EFTUD2: variants seen among roughly 807,000 people sequenced by gnomAD.
EFTUD2 encodes 116 kDa U5 small nuclear ribonucleoprotein component.
In EFTUD2, 9 loss-of-function variants were observed where a neutral mutation model predicts 114.3. The ratio of observed to expected loss-of-function variants is 0.08; its 90% CI spans 0.05 to 0.14. The LOEUF is 0.14. EFTUD2 is among the 10% of genes least tolerant of loss of function. EFTUD2 has a pLI of 1.00. For synonymous variants in EFTUD2, 449 were observed against 462.3 expected (o/e 0.97, Z 0.37); for missense variants, 765 against 1,241.2 (o/e 0.62, Z 5.76).
Position 44,850,497 on chromosome 17 carries a change from G to A in EFTUD2, c.*777C>T. On this transcript the variant is annotated 3_prime_UTR_variant, in exon 28 of 28. Coordinates refer to ENST00000426333, the MANE Select transcript of EFTUD2 (RefSeq NM_004247.4). Reference sequence around the variant, plus strand: ...GAAAATCAACAGACTCTTTTTCACTGGGGGAGAACAGAGTAAGGGACTGGT... The same window carrying A: ...GAAAATCAACAGACTCTTTTTCACTAGGGGAGAACAGAGTAAGGGACTGGT... 1 of 843,586 alleles carries A rather than the reference G, an allele frequency of 1.2e-6. No individual in the cohort carries two copies. Among genetic ancestry groups the A allele is most frequent in the African/African-American group, 1.7e-5 (1 of 60,316 alleles). 52.3% of individuals were successfully genotyped at this position (843,586 alleles called of 1,614,324 possible).
chr17:44,865,585 T>C (rs2050731602), intron 13 of EFTUD2, among the ~76,000 whole-genome samples: 1 of 152,118 alleles, frequency 6.6e-6, no homozygotes, highest in African/African-American at 2.4e-5. Flanking sequence ...TACTAAGTAT[T>C]TTTCAGCACT....
chr17:44,878,367 A>G (rs1026585144), intron 9 of EFTUD2, among the ~76,000 whole-genome samples: 1 of 152,256 alleles, frequency 6.6e-6, no homozygotes, highest in Admixed American at 6.5e-5. Flanking sequence ...CAAAAGTGTC[A>G]ATGTCATAAA....
At chr17:44,863,002 A>G (rs553895855) in intron 15 of EFTUD2, 96 bp from the exon 16 acceptor site, 8 of 1,022,238 alleles carry the variant, frequency 7.8e-6, no homozygotes, top group African/African-American at 6.3e-5. Flanking sequence ...CATGAGCTCT[A>G]TGAGGAGCTA....
chr17:44,886,299 G>C (rs944814788), intron 3 of EFTUD2, among the ~76,000 whole-genome samples: 2 of 152,134 alleles, frequency 1.3e-5, no homozygotes, highest in African/African-American at 2.4e-5. Context: ...GAGTTATTTG[G>C]ATGGAAAAAC....
At chr17:44,896,584 T>G (rs944896320) in intron 1 of EFTUD2, among the ~76,000 whole-genome samples, 6 of 152,136 alleles carry the variant, frequency 3.9e-5, no homozygotes, top group Non-Finnish European at 8.8e-5. Flanking sequence ...GAGGCAGAGG[T>G]TGCAGTGAGC....
intron 20 of EFTUD2, among the ~76,000 whole-genome samples, chr17:44,855,953 CA>C (rs1209955608): frequency 8.2e-6 from 1 of 122,372 alleles, no homozygotes; most frequent in Non-Finnish European, 1.7e-5. Context: ...CTCTATGTCT[CA>C]AAAGAAAAAA....
intron 2 of EFTUD2, 94 bp from the exon 3 acceptor site, chr17:44,886,844 T>G: frequency 6.6e-7 from 1 of 1,507,588 alleles, no homozygotes; most frequent in South Asian, 1.3e-5. Flanking sequence ...TGACTGTACA[T>G]GCTGGCCAGC....
At chr17:44,851,918 CTTA>C (rs1330725255) in intron 26 of EFTUD2, 101 bp from the exon 27 acceptor site, 11 of 1,042,156 alleles carry the variant, frequency 1.1e-5, no homozygotes, top group South Asian at 5.3e-5. Context: ...AAATTTATTA[CTTA>C]TTATTATTTT....
At chr17:44,879,766 C>A (rs111955421) in intron 8 of EFTUD2, 128 bp from the exon 9 acceptor site, 77 of 856,582 alleles carry the variant, frequency 9.0e-5, no homozygotes, top group South Asian at 2.4e-4. Flanking sequence ...CTCGCCATAA[C>A]CCCCCACAGG....
rs1567729458 is a variant in EFTUD2 at position 44,854,950 on chromosome 17, T to G, written c.2100A>C (p.Ile700=). The part of the protein sequence containing the change: ...EPLEKGLAED[I]ENEVVQITWN... ...ACGTAATCTGGACCACCTCATTCTC[T>G]ATGTCCTCTGCCAGGCCCTTCTCAA... The change falls in exon 21 of 28, where the codon ATA becomes ATC. Residue 700 remains isoleucine (I), a synonymous_variant. Transcript: ENST00000426333. The surrounding 1 kb of genome is among the most constrained non-coding windows in gnomAD (Gnocchi z 4.3). 1.9e-6 allele frequency: 3 copies of G among 1,614,094 alleles called. No homozygotes were observed. Among genetic ancestry groups the G allele is most frequent in the South Asian group, 1.1e-5 (1 of 91,090 alleles).
Position 44,852,402 on chromosome 17 carries a change from T to C in EFTUD2, c.2715+7A>G, listed in dbSNP as rs186797044. ...GCCAAGTCCGCCAGCCTGCATTGCTTTCTCACCTGCCAGTGGTGGAAGACA... is the reference window on the plus strand; with the variant it reads ...GCCAAGTCCGCCAGCCTGCATTGCTCTCTCACCTGCCAGTGGTGGAAGACA... On this transcript the variant is annotated splice_region_variant and intron_variant, in intron 26 of 27. Coordinates refer to ENST00000426333, the MANE Select transcript of EFTUD2 (RefSeq NM_004247.4). 1.2e-5 allele frequency: 20 copies of C among 1,613,822 alleles called. No homozygotes were observed. Among genetic ancestry groups the C allele is most frequent in the Middle Eastern group, 1.7e-4 (1 of 5,956 alleles).
At chr17:44,874,035 CTTTTTTTTTTTTT>C (rs35563732) in intron 10 of EFTUD2, among the ~76,000 whole-genome samples, 1 of 115,488 alleles carries the variant, frequency 8.7e-6, no homozygotes, top group Admixed American at 9.4e-5. Context: ...TGCCCGGCCT[CTTTTTTTTTTTTT>C]TTTTTTTTTA....
intron 2 of EFTUD2, among the ~76,000 whole-genome samples, chr17:44,892,716 C>A (rs1400654391): frequency 6.9e-6 from 1 of 145,530 alleles, no homozygotes; most frequent in African/African-American, 2.6e-5. Flanking sequence ...CAGCTCACTG[C>A]AACGTCTACC....
chr17:44,861,348 G>A (rs549833480), intron 16 of EFTUD2, among the ~76,000 whole-genome samples: 1 of 151,662 alleles, frequency 6.6e-6, no homozygotes, highest in African/African-American at 2.4e-5. Flanking sequence ...GGGAGGCTGA[G>A]GCAGGAGAAT....
intron 1 of EFTUD2, among the ~76,000 whole-genome samples, chr17:44,897,387 G>C (rs1291706795): frequency 6.6e-6 from 1 of 151,894 alleles, no homozygotes; most frequent in Non-Finnish European, 1.5e-5. Flanking sequence ...CCAAAAAGTG[G>C]CAAGAACAGT....
Position 44,868,174 on chromosome 17 carries a change from A to T in EFTUD2, c.1058+113T>A, listed in dbSNP as rs2165896. 0.29 allele frequency: 83,218 copies of T among 289,910 alleles called. 1,815 individuals carry two copies. The highest frequency in any genetic ancestry group is 0.4 in the East Asian group (4,999 of 12,462). The allele number at this position is 289,910 out of a possible 1,614,324, so 18.0% of individuals were successfully genotyped here. A position where few individuals can be genotyped will look rare whatever the true frequency, so the allele number is the denominator to read the frequency against. On this transcript the variant is annotated intron_variant, in intron 12 of 27. Transcript: ENST00000426333. The stretch of plus-strand genomic sequence containing the variant: ...GGGAGGAAAGACGGTAGTTTACATT[A>T]AAAAAAAAAAAAAAAGTAGGTATTT...
At chr17:44,860,647 G>A in intron 16 of EFTUD2, 104 bp from the exon 17 acceptor site, 1 of 697,844 alleles carries the variant, frequency 1.4e-6, no homozygotes, top group Non-Finnish European at 2.4e-6. Context: ...TTACCAGGCT[G>A]GAGTGCAGTG....
chr17:44,875,144 T>C (rs1390245870), intron 10 of EFTUD2, among the ~76,000 whole-genome samples: 4 of 152,012 alleles, frequency 2.6e-5, no homozygotes, highest in Non-Finnish European at 4.4e-5. Context: ...GGTGGAAGAA[T>C]TGCTTGAGGC....
intron 15 of EFTUD2, 79 bp downstream of exon 15, chr17:44,863,576 C>T: frequency 6.5e-7 from 1 of 1,549,464 alleles, no homozygotes; most frequent in Non-Finnish European, 8.7e-7. Flanking sequence ...GTGGGCATTA[C>T]TCCTGTGACC....
Sources: allele counts gnomAD v4.1 joint callset (sites outside exome capture counted in the v4.1 genomes callset), GRCh38; gene constraint gnomAD v4.1.1; non-coding constraint Gnocchi (gnomAD v3.1); transcripts MANE v1.5; gene names NCBI Gene and HGNC (gene_info 2026-07-23, HGNC 2026-07-21).